NINJ2: variants seen among roughly 807,000 people sequenced by gnomAD.
NINJ2 encodes ninjurin-2.
NINJ2 carries 12 observed loss-of-function variants against 11.7 expected under a neutral mutation model. The ratio of observed to expected loss-of-function variants is 1.02; its 90% CI spans 0.66 to 1.66. The LOEUF is 1.66. Ranked by LOEUF, NINJ2 falls within the 40% of genes most tolerant of loss-of-function variation. The pLI, the probability that NINJ2 is intolerant of heterozygous loss-of-function variation, is 0.00. For synonymous variants in NINJ2, 93 were observed against 76.8 expected, an observed-to-expected ratio of 1.21 and a Z score of -1.10; for missense variants, 187 against 181.8, an observed-to-expected ratio of 1.03 and a Z score of -0.16.
intron 1 of NINJ2, among the ~76,000 whole-genome samples, chr12:598,438 C>A (rs1947819440): frequency 6.6e-6 from 1 of 152,184 alleles, no homozygotes; most frequent in Admixed American, 6.5e-5. Context: ...GCCCATCTTA[C>A]CAGACAGGGC....
Position 585,271 on chromosome 12 carries a change from C to T in NINJ2, c.34-19093G>A, listed in dbSNP as rs537175356. Among the ~76,000 whole-genome samples the T allele has an allele frequency of 1.3e-5, 2 of 152,318 alleles. No homozygotes were observed. The highest frequency in any genetic ancestry group is 3.9e-4 in the East Asian group (2 of 5,190). On this transcript the variant is annotated intron_variant, in intron 1 of 3. Coordinates refer to ENST00000305108, the MANE Select transcript of NINJ2 (RefSeq NM_016533.6). This position sits in a 1 kb window ranked among gnomAD's most constrained non-coding sequence, Gnocchi z 4.1. ...GCTCTGGGGGCTCTGGGCTTCCCTG[C>T]TGCAAGCTCTTAACCCTTAGCGTGA...
At chr12:603,121 G>A (rs781719422) in intron 1 of NINJ2, among the ~76,000 whole-genome samples, 5 of 152,158 alleles carry the variant, frequency 3.3e-5, no homozygotes, top group Admixed American at 6.5e-5. Context: ...TCAAGCATGA[G>A]CCACCACACT....
chr12:567,724 G>T (rs1161384492), intron 1 of NINJ2, among the ~76,000 whole-genome samples: 1 of 152,198 alleles, frequency 6.6e-6, no homozygotes, highest in Non-Finnish European at 1.5e-5. Flanking sequence ...CCCGAAATGA[G>T]GCTGGGTGCA....
chr12:618,126 A>G (rs1261017655), intron 1 of NINJ2, among the ~76,000 whole-genome samples: 1 of 151,264 alleles, frequency 6.6e-6, no homozygotes, highest in African/African-American at 2.4e-5. Flanking sequence ...CAATAGGACC[A>G]TCTGAACCCG....
chr12:611,257 CTTTCTTTCT>C (rs749724074), intron 1 of NINJ2, among the ~76,000 whole-genome samples: 1 of 86,574 alleles, frequency 1.2e-5, no homozygotes, highest in African/African-American at 5.1e-5. Flanking sequence ...CTCTCTCTCT[CTTTCTTTCT>C]TTCTTTCTCT....
intron 1 of NINJ2, among the ~76,000 whole-genome samples, chr12:599,315 C>T (rs1947833767): frequency 6.6e-6 from 1 of 151,994 alleles, no homozygotes; most frequent in South Asian, 2.1e-4. Flanking sequence ...ACGCGGGAGG[C>T]GGAGGTTGCA....
intron 1 of NINJ2, among the ~76,000 whole-genome samples, chr12:576,268 C>T (rs527366007): frequency 1.3e-5 from 2 of 152,246 alleles, no homozygotes; most frequent in East Asian, 3.9e-4. Context: ...GCGGCGCCGC[C>T]GTTGTCCACC....
intron 1 of NINJ2, among the ~76,000 whole-genome samples, chr12:604,953 C>A (rs890165378): frequency 6.6e-6 from 1 of 152,152 alleles, no homozygotes; most frequent in African/African-American, 2.4e-5. Context: ...CTGTTAGTGG[C>A]CCCAGTAAGA....
chr12:609,242 C>CCA lies in NINJ2; in HGVS notation c.34-43066_34-43065dup, dbSNP rs141464293. ...AGGGGCTGAACGCGCACGCACGGCG[C>CCA]CACGCTAGGGGCTGTACGCACGCAC... is the stretch of plus-strand genomic sequence containing the variant. On this transcript the variant is annotated intron_variant, in intron 1 of 3. Transcript: ENST00000305108. Among the ~76,000 whole-genome samples, 37 of 120,718 alleles carry CCA rather than the reference C, an allele frequency of 3.1e-4. 2 individuals are homozygous for CCA. Among genetic ancestry groups the CCA allele is most frequent in the African/African-American group, 7.9e-4 (27 of 34,374 alleles). 79.2% of individuals were successfully genotyped at this position (120,718 alleles called of 152,430 possible). A position where few individuals can be genotyped will look rare whatever the true frequency, so the allele number is the denominator to read the frequency against.
In NINJ2 at chr12:601,503, A is replaced by G. The variant is rs571323127; in HGVS notation, c.34-35325T>C. On this transcript the variant is annotated intron_variant, in intron 1 of 3. Coordinates refer to ENST00000305108, the MANE Select transcript of NINJ2 (RefSeq NM_016533.6). ...GCGGAGCTTACAGTGAGCCAAGATC[A>G]GGCCACTGCACTCCAGCCTGGGCCA... is the stretch of plus-strand genomic sequence containing the variant. Among the ~76,000 whole-genome samples, 10 of 151,636 alleles carry G rather than the reference A, an allele frequency of 6.6e-5. No homozygotes were observed. The East Asian group carries it at 9.7e-4, about 15-fold the overall frequency.
intron 1 of NINJ2, among the ~76,000 whole-genome samples, chr12:622,452 G>T (rs1948165186): frequency 1.4e-5 from 2 of 140,772 alleles, no homozygotes; most frequent in Non-Finnish European, 3.1e-5. Flanking sequence ...AAGAAAGAAA[G>T]GGGCTACCTA....
intron 1 of NINJ2, among the ~76,000 whole-genome samples, chr12:577,448 T>TATACATATATATATGTGTATATA: frequency 9.2e-5 from 13 of 141,958 alleles, no homozygotes; most frequent in Non-Finnish European, 1.4e-4. Flanking sequence ...TATATAAATA[T>TATACATATATATATGTGTATATA]TTTGGCACGA....
At chr12:565,532 G>T in intron 2 of NINJ2, 131 bp from the exon 3 acceptor site, 1 of 955,068 alleles carries the variant, frequency 1.0e-6, no homozygotes. Context: ...AAGGGAGGTG[G>T]TCGTCATCGG....
intron 1 of NINJ2, among the ~76,000 whole-genome samples, chr12:629,756 G>A (rs946094878): frequency 4.0e-5 from 6 of 150,358 alleles, no homozygotes; most frequent in Non-Finnish European, 7.4e-5. Flanking sequence ...GCCTGGTGGC[G>A]CATGCCTGTA....
chr12:611,416 C>T (rs1948032680), intron 1 of NINJ2, among the ~76,000 whole-genome samples: 1 of 152,006 alleles, frequency 6.6e-6, no homozygotes, highest in Non-Finnish European at 1.5e-5. Context: ...TGGCTCATTA[C>T]AACCACCACC....
At chr12:567,270 T>C (rs1279693937) in intron 1 of NINJ2, among the ~76,000 whole-genome samples, 4 of 150,106 alleles carry the variant, frequency 2.7e-5, no homozygotes, top group Non-Finnish European at 5.9e-5. Context: ...GGCCTGGAGG[T>C]AGGGAAGATG....
intron 1 of NINJ2, among the ~76,000 whole-genome samples, chr12:574,780 G>A (rs2535420): frequency 0.38 from 58,207 of 152,094 alleles, 12,152 homozygotes; most frequent in Non-Finnish European, 0.48. Flanking sequence ...CATACCCCCA[G>A]AAGGCCAGTG....
intron 1 of NINJ2, among the ~76,000 whole-genome samples, chr12:579,079 G>T (rs1307896727): frequency 6.6e-6 from 1 of 152,144 alleles, no homozygotes; most frequent in East Asian, 1.9e-4. Flanking sequence ...TCCACATAAG[G>T]GTGTATATGA....
chr12:629,631 T>A (rs931081368), intron 1 of NINJ2, among the ~76,000 whole-genome samples: 24 of 152,006 alleles, frequency 1.6e-4, no homozygotes, highest in African/African-American at 5.3e-4. Flanking sequence ...CTCACGCCTG[T>A]AATCCCAGCA....
Sources: allele counts gnomAD v4.1 joint callset (sites outside exome capture counted in the v4.1 genomes callset), GRCh38; gene constraint gnomAD v4.1.1; non-coding constraint Gnocchi (gnomAD v3.1); transcripts MANE v1.5; gene names NCBI Gene and HGNC (gene_info 2026-07-23, HGNC 2026-07-21).